Variants in CSNK1G1 observed in about 807,000 individuals in gnomAD.
The protein encoded by CSNK1G1 is casein kinase 1 gamma 1.
A neutral mutation model predicts 59.6 loss-of-function variants in CSNK1G1; 22 were observed. The ratio of observed to expected loss-of-function variants is 0.37; its 90% CI spans 0.26 to 0.53. The LOEUF is 0.53. CSNK1G1 is among the 20% of genes least tolerant of loss of function. CSNK1G1 has a pLI of 0.89. For missense variants in CSNK1G1, 384 were observed against 519.5 expected (o/e 0.74, Z 2.54); for synonymous variants, 179 against 177.1 (o/e 1.01, Z -0.08).
At chr15:64,279,420 C>A (rs575668802) in intron 2 of CSNK1G1, among the ~76,000 whole-genome samples, 1 of 152,134 alleles carries the variant, frequency 6.6e-6, no homozygotes, top group Non-Finnish European at 1.5e-5. Context: ...TCCTTGATTA[C>A]GTCCGTGAGA....
chr15:64,179,255 A>G (rs186824597), intron 11 of CSNK1G1, among the ~76,000 whole-genome samples: 3 of 152,294 alleles, frequency 2.0e-5, no homozygotes, highest in Admixed American at 2.0e-4. Flanking sequence ...CAAAAAATAA[A>G]TAAATAAAAA....
intron 2 of CSNK1G1, among the ~76,000 whole-genome samples, chr15:64,277,805 T>C (rs1475617548): frequency 7.4e-6 from 1 of 134,808 alleles, no homozygotes; most frequent in Non-Finnish European, 1.5e-5. Context: ...ATATATTTAA[T>C]ATATTAATAT....
chr15:64,171,660 A>T lies in CSNK1G1; in HGVS notation c.*271T>A. On this transcript the variant is annotated 3_prime_UTR_variant, in exon 12 of 12. Coordinates refer to ENST00000303052, the MANE Select transcript of CSNK1G1 (RefSeq NM_022048.5). This position sits in a 1 kb window ranked among gnomAD's most constrained non-coding sequence, Gnocchi z 4.8. ...TGACACCTTCACTGTAAACAATGGG[A>T]AGGAGAGTCAACCAGGCAGCCCTAT... 3 of 529,468 alleles carry T rather than the reference A, an allele frequency of 5.7e-6. No individual in the cohort carries two copies. The highest frequency in any genetic ancestry group is 3.4e-6 in the Non-Finnish European group (1 of 294,962). 32.8% of individuals were successfully genotyped at this position (529,468 alleles called of 1,614,324 possible).
chr15:64,203,284 G>C, intron 9 of CSNK1G1, 95 bp from the exon 10 acceptor site: 1 of 826,998 alleles, frequency 1.2e-6, no homozygotes, highest in Admixed American at 2.0e-5. Context: ...TAGAGTAGTA[G>C]TAATTATTTT....
At chr15:64,268,417 G>T (rs1165243391) in intron 2 of CSNK1G1, among the ~76,000 whole-genome samples, 3 of 152,136 alleles carry the variant, frequency 2.0e-5, no homozygotes, top group Non-Finnish European at 2.9e-5. Flanking sequence ...GTAGTAGAAT[G>T]ACTATAGCTA....
chr15:64,228,527 T>C (rs918608010), intron 4 of CSNK1G1, among the ~76,000 whole-genome samples: 7 of 152,018 alleles, frequency 4.6e-5, no homozygotes, highest in Admixed American at 6.6e-5. Flanking sequence ...TCCCAGCTAC[T>C]GGGGAGGCTG....
At chr15:64,230,114 G>T (rs2082526749) in intron 4 of CSNK1G1, among the ~76,000 whole-genome samples, 1 of 151,170 alleles carries the variant, frequency 6.6e-6, no homozygotes, top group South Asian at 2.1e-4. Flanking sequence ...TAGAGACAGG[G>T]TTTTACCATG....
At chr15:64,202,627 T>C (rs62024567) in intron 10 of CSNK1G1, among the ~76,000 whole-genome samples, 1 of 151,544 alleles carries the variant, frequency 6.6e-6, no homozygotes, top group Non-Finnish European at 1.5e-5. Context: ...ATCTTGGCTC[T>C]CTGCTGCCTT....
intron 7 of CSNK1G1, among the ~76,000 whole-genome samples, chr15:64,205,757 C>A (rs1444170366): frequency 1.3e-5 from 2 of 152,024 alleles, no homozygotes; most frequent in Non-Finnish European, 2.9e-5. Flanking sequence ...TGTATGATGA[C>A]CAAGTTTGAC....
At position 64,326,663 on chromosome 15, in the gene CSNK1G1, G is replaced by T. The variant is rs1896853247; in HGVS notation, c.-224-25940C>A. ...TGTATCAAAAAAAAAAAAAGTAGGG[G>T]GGAGGAGCCAAGATGGCCGAATAGG... On this transcript the variant is annotated intron_variant, in intron 1 of 11. Transcript: ENST00000303052. 4.0e-5 allele frequency among the ~76,000 whole-genome samples: 6 copies of T among 151,856 alleles called. No homozygotes were observed. In the South Asian group the frequency reaches 1.2e-3, roughly 32 times the overall value.
intron 6 of CSNK1G1, among the ~76,000 whole-genome samples, chr15:64,208,928 C>T (rs934172775): frequency 2.7e-5 from 4 of 149,868 alleles, no homozygotes; most frequent in Admixed American, 2.0e-4. Flanking sequence ...CGCTCTGTTG[C>T]CTAGGCTAGA....
intron 1 of CSNK1G1, among the ~76,000 whole-genome samples, chr15:64,325,075 C>T (rs1896773913): frequency 6.6e-6 from 1 of 152,108 alleles, no homozygotes; most frequent in African/African-American, 2.4e-5. Flanking sequence ...TTGATTAATA[C>T]AGGATTTAAT....
At chr15:64,332,227 A>C (rs1201382284) in intron 1 of CSNK1G1, among the ~76,000 whole-genome samples, 7 of 99,832 alleles carry the variant, frequency 7.0e-5, no homozygotes, top group Non-Finnish European at 6.3e-5. Context: ...ATGCACACGT[A>C]TGTTTATTGC....
At chr15:64,238,518 A>AAAAAAATATAT (rs1555396879) in intron 4 of CSNK1G1, among the ~76,000 whole-genome samples, 1 of 49,246 alleles carries the variant, frequency 2.0e-5, no homozygotes, top group African/African-American at 1.2e-4. Context: ...AAAAAAAAAA[A>AAAAAAATATAT]ATATATATAT....
intron 4 of CSNK1G1, among the ~76,000 whole-genome samples, chr15:64,236,492 T>A (rs562657107): frequency 3.9e-5 from 6 of 152,124 alleles, no homozygotes; most frequent in African/African-American, 1.4e-4. Context: ...AGAACATTAA[T>A]AGACATTTTT....
At chr15:64,284,466 T>A (rs932462559) in intron 2 of CSNK1G1, among the ~76,000 whole-genome samples, 1 of 152,186 alleles carries the variant, frequency 6.6e-6, no homozygotes, top group South Asian at 2.1e-4. Flanking sequence ...TGTCTTACCA[T>A]GTAGTTAGAT....
intron 11 of CSNK1G1, among the ~76,000 whole-genome samples, chr15:64,179,466 A>C (rs981114716): frequency 4.6e-5 from 7 of 152,144 alleles, no homozygotes; most frequent in African/African-American, 1.7e-4. Flanking sequence ...TCTGCTTCAG[A>C]AAACAAGACC....
chr15:64,187,034 G>A (rs989467884), intron 10 of CSNK1G1, among the ~76,000 whole-genome samples: 11 of 152,170 alleles, frequency 7.2e-5, no homozygotes, highest in African/African-American at 2.2e-4. Context: ...TGTTGGCCAG[G>A]ATGGTCTCAA....
rs570328186 is a variant in CSNK1G1, at chr15:64,203,308, C to G, written c.1000-119G>C. ...AGTAATTATTTTCAGCTACCAAGAG[C>G]ACTTTCAAGTTGTCTTGTCTTCTCA... On this transcript the variant is annotated intron_variant, in intron 9 of 11. Coordinates refer to ENST00000303052, the MANE Select transcript of CSNK1G1 (RefSeq NM_022048.5). 1.4e-4 allele frequency: 100 copies of G among 717,532 alleles called. No homozygotes were observed. In the South Asian group the frequency reaches 1.5e-3, roughly 11 times the overall value. 44.4% of individuals were successfully genotyped at this position (717,532 alleles called of 1,614,324 possible).
Sources: gnomAD v4.1 joint callset for allele counts (sites outside exome capture counted in the v4.1 genomes callset) on GRCh38, gnomAD v4.1.1 for gene constraint, Gnocchi (gnomAD v3.1) non-coding constraint, MANE v1.5 for transcripts, NCBI Gene and HGNC (gene_info 2026-07-23, HGNC 2026-07-21) for gene names.